ATP8A1: variants seen among roughly 807,000 people sequenced by gnomAD.
ATP8A1 encodes ATPase phospholipid transporting 8A1, also known as phospholipid-transporting ATPase IA.
A neutral mutation model predicts 177.7 loss-of-function variants in ATP8A1; 90 were observed. The ratio of observed to expected loss-of-function variants is 0.51; its 90% confidence interval spans 0.43 to 0.60. The LOEUF is 0.60. Ranked by LOEUF, ATP8A1 falls within the 20% of genes least tolerant of loss-of-function variation. ATP8A1 has a pLI of 0.00. For missense variants in ATP8A1, 1,072 were observed against 1,392.8 expected, an observed-to-expected ratio of 0.77 and a Z score of 3.67; for synonymous variants, 493 against 485.9, an observed-to-expected ratio of 1.01 and a Z score of -0.19.
chr4:42,587,034 C>G (rs1209980336), intron 8 of ATP8A1, among the ~76,000 whole-genome samples: 2 of 152,170 alleles, frequency 1.3e-5, no homozygotes, highest in Non-Finnish European at 2.9e-5. Context: ...TCCCAAATGT[C>G]ATTTTCATCA....
At chr4:42,544,100 C>A in intron 19 of ATP8A1, 114 bp from the exon 20 acceptor site, 1 of 831,022 alleles carries the variant, frequency 1.2e-6, no homozygotes, top group South Asian at 1.7e-5. Context: ...CTGACCAAAT[C>A]ATGAGCCCTA....
chr4:42,586,507 A>C, intron 8 of ATP8A1, 31 bp from the exon 9 acceptor site: 1 of 1,605,268 alleles, frequency 6.2e-7, no homozygotes, highest in Non-Finnish European at 8.5e-7. Flanking sequence ...AGCAAAAAGT[A>C]TATTAAATAA....
At chr4:42,623,200 T>C (rs1560530699) in intron 4 of ATP8A1, among the ~76,000 whole-genome samples, 1 of 152,132 alleles carries the variant, frequency 6.6e-6, no homozygotes, top group East Asian at 1.9e-4. Flanking sequence ...AAATAACAGA[T>C]GCTGGCAAGG....
intron 5 of ATP8A1, among the ~76,000 whole-genome samples, chr4:42,608,895 T>C (rs1294530154): frequency 1.3e-5 from 2 of 152,158 alleles, no homozygotes; most frequent in Non-Finnish European, 2.9e-5. Context: ...ATTCACTATA[T>C]AGACTCTTAC....
intron 12 of ATP8A1, among the ~76,000 whole-genome samples, chr4:42,576,514 GTTTTT>G (rs1475891962): frequency 9.3e-6 from 1 of 107,484 alleles, no homozygotes; most frequent in South Asian, 3.5e-4. Flanking sequence ...AAAGAGCATA[GTTTTT>G]TACTTATTTG....
intron 5 of ATP8A1, among the ~76,000 whole-genome samples, chr4:42,604,156 T>C (rs1735567413): frequency 6.6e-6 from 1 of 152,192 alleles, no homozygotes; most frequent in South Asian, 2.1e-4. Flanking sequence ...CCTAGTTAAC[T>C]TGTACACACA....
At chr4:42,546,549 T>C (rs1460489004) in intron 19 of ATP8A1, among the ~76,000 whole-genome samples, 6 of 151,618 alleles carry the variant, frequency 4.0e-5, no homozygotes, top group Middle Eastern at 6.8e-3. Context: ...ACCTGCACGT[T>C]GTGCACCTGT....
rs1281026954 is a variant in ATP8A1, at chr4:42,507,171, G to A, written c.1948-17C>T. On this transcript the variant is annotated splice_polypyrimidine_tract_variant and intron_variant, in intron 22 of 36. Transcript: ENST00000381668. ...CTGAAGATTCTGAAAAAAATTAGTGGTAGAAATGTTTTAAAAATCCGTTCA... is the reference window on the plus strand; with the variant it reads ...CTGAAGATTCTGAAAAAAATTAGTGATAGAAATGTTTTAAAAATCCGTTCA... 6.2e-7 allele frequency: 1 copy of A among 1,610,350 alleles called. No homozygotes were observed. Among genetic ancestry groups the A allele is most frequent in the African/African-American group, 1.3e-5 (1 of 74,622 alleles).
chr4:42,443,132 A>G (rs1399315251), intron 33 of ATP8A1, among the ~76,000 whole-genome samples: 1 of 152,264 alleles, frequency 6.6e-6, no homozygotes, highest in African/African-American at 2.4e-5. Flanking sequence ...CAAAAAGTGC[A>G]TTTAATCTAG....
At chr4:42,558,394 T>A (rs1021646857) in intron 15 of ATP8A1, among the ~76,000 whole-genome samples, 5 of 152,140 alleles carry the variant, frequency 3.3e-5, no homozygotes, top group Admixed American at 2.0e-4. Flanking sequence ...CAAGAAGCAA[T>A]AAGGCAGGGA....
At chr4:42,505,660 T>C (rs1016991367) in intron 23 of ATP8A1, among the ~76,000 whole-genome samples, 7 of 152,244 alleles carry the variant, frequency 4.6e-5, no homozygotes, top group African/African-American at 1.7e-4. Context: ...TGCTATAAAT[T>C]TGAAGTAGAG....
chr4:42,569,364 C>G (rs1255422386), intron 14 of ATP8A1, among the ~76,000 whole-genome samples, 159 bp from the exon 15 acceptor site: 1 of 152,104 alleles, frequency 6.6e-6, no homozygotes, highest in Non-Finnish European at 1.5e-5. Flanking sequence ...GTTAGTACAG[C>G]AAATAGAACA....
rs1168136906 is a variant in ATP8A1 at position 42,411,060 on chromosome 4, T to C, written c.*1856A>G. On this transcript the variant is annotated 3_prime_UTR_variant, in exon 37 of 37. Coordinates refer to ENST00000381668, the MANE Select transcript of ATP8A1 (RefSeq NM_006095.2). ...TGGGACTTCAGAATTTTGAAGACGATCTTAGACTCTTACACCTGTGGTCTT... is the reference window on the plus strand; with the variant it reads ...TGGGACTTCAGAATTTTGAAGACGACCTTAGACTCTTACACCTGTGGTCTT... 2 of 152,194 alleles carry C rather than the reference T, an allele frequency of 1.3e-5. No homozygotes were observed. Among genetic ancestry groups the C allele is most frequent in the Non-Finnish European group, 2.9e-5 (2 of 68,038 alleles). 9.4% of individuals were successfully genotyped at this position (152,194 alleles called of 1,614,324 possible).
chr4:42,457,169 G>A (rs1429637226), intron 27 of ATP8A1, among the ~76,000 whole-genome samples: 1 of 152,104 alleles, frequency 6.6e-6, no homozygotes. Flanking sequence ...TTGATAATTT[G>A]CCCTAAACAA....
chr4:42,565,046 G>A (rs1288041794), intron 15 of ATP8A1, among the ~76,000 whole-genome samples: 2 of 152,184 alleles, frequency 1.3e-5, no homozygotes, highest in Admixed American at 6.5e-5. Context: ...ATCCACGTAA[G>A]ACATGACTTG....
chr4:42,567,138 C>T (rs533789027), intron 15 of ATP8A1, among the ~76,000 whole-genome samples: 5 of 152,344 alleles, frequency 3.3e-5, no homozygotes, highest in Non-Finnish European at 5.9e-5. Context: ...GATCACTCCA[C>T]GTAACCTTGG....
chr4:42,502,641 A>T (rs1288918785), intron 24 of ATP8A1, among the ~76,000 whole-genome samples: 2 of 152,190 alleles, frequency 1.3e-5, no homozygotes, highest in Non-Finnish European at 2.9e-5. Flanking sequence ...CACCACCTGT[A>T]ACCCATGTTA....
chr4:42,648,224 T>G lies in ATP8A1; in HGVS notation c.49+8601A>C, dbSNP rs190396773. 1.6e-3 allele frequency among the ~76,000 whole-genome samples: 243 copies of G among 152,240 alleles called. 1 individual carries two copies. The highest frequency in any genetic ancestry group is 2.7e-3 in the Admixed American group (41 of 15,284). ...AAATTCTAGTAGAAAAATACAACTG[T>G]GGGGGAAAGAAAACCCAGAAAAACC... On this transcript the variant is annotated intron_variant, in intron 1 of 36. Coordinates refer to ENST00000381668, the MANE Select transcript of ATP8A1 (RefSeq NM_006095.2).
At chr4:42,560,668 T>A (rs1730723925) in intron 15 of ATP8A1, among the ~76,000 whole-genome samples, 1 of 151,832 alleles carries the variant, frequency 6.6e-6, no homozygotes, top group Non-Finnish European at 1.5e-5. Context: ...AATGACAAAT[T>A]ACGAATTCTT....
Sources: gnomAD v4.1 joint callset for allele counts (sites outside exome capture counted in the v4.1 genomes callset) on GRCh38, gnomAD v4.1.1 for gene constraint, MANE v1.5 for transcripts, NCBI Gene and HGNC (gene_info 2026-07-23, HGNC 2026-07-21) for gene names.